The following ERCC6L2 variants were observed in gnomAD, a reference collection of about 807,000 sequenced individuals.
The protein encoded by ERCC6L2 is DNA excision repair protein ERCC-6-like 2.
ERCC6L2 carries 77 observed loss-of-function variants against 132.0 expected under a neutral mutation model. That is an observed-to-expected ratio of 0.58 (90% CI 0.49 to 0.71). The LOEUF (loss-of-function observed/expected upper bound fraction) is 0.71, where lower values mean the gene tolerates loss of function less well. ERCC6L2 is among the 30% of genes least tolerant of loss of function. The pLI is 0.00. For missense variants in ERCC6L2, 1,542 were observed against 1,837.6 expected (o/e 0.84, Z 2.94); for synonymous variants, 583 against 632.4 (o/e 0.92, Z 1.17).
chr9:95,964,223 C>A (rs1282418806), intron 13 of ERCC6L2, among the ~76,000 whole-genome samples: 1 of 152,170 alleles, frequency 6.6e-6, no homozygotes, highest in East Asian at 1.9e-4. Context: ...TGTGTGGTCT[C>A]ATGGCTTCCT....
intron 1 of ERCC6L2, among the ~76,000 whole-genome samples, chr9:95,878,759 T>C (rs1006447373): frequency 1.3e-5 from 2 of 151,462 alleles, no homozygotes; most frequent in Non-Finnish European, 2.9e-5. Flanking sequence ...CTGCGGTGTT[T>C]GGTTTTTTGT....
chr9:96,002,327 G>A (rs906931042), intron 17 of ERCC6L2, among the ~76,000 whole-genome samples: 1 of 151,892 alleles, frequency 6.6e-6, no homozygotes, highest in African/African-American at 2.4e-5. Context: ...AGGGTTTTTT[G>A]TTTTGTTTTG....
rs369759210 is a variant in ERCC6L2, at chr9:95,916,448, T to G, written c.1158+14T>G. ...AAGGAAGACCGGGTAAGAACCGCAT[T>G]TGTATATATTATTAATTTGTGGTCA... On this transcript the variant is annotated intron_variant, in intron 6 of 18. Transcript: ENST00000653738. 1 of 1,484,848 alleles carries G rather than the reference T, an allele frequency of 6.7e-7. No homozygotes were observed. The highest frequency in any genetic ancestry group is 1.4e-5 in the African/African-American group (1 of 70,066). The allele number at this position is 1,484,848 out of a possible 1,614,324, so 92.0% of individuals were successfully genotyped here.
intron 11 of ERCC6L2, among the ~76,000 whole-genome samples, chr9:95,929,967 C>T (rs914987762): frequency 8.5e-5 from 13 of 152,182 alleles, no homozygotes; most frequent in African/African-American, 2.4e-4. Context: ...TACCCCTTCA[C>T]CTCTATCTGT....
chr9:96,032,363 C>T (rs956301275), intron 19 of ERCC6L2, among the ~76,000 whole-genome samples: 52 of 152,344 alleles, frequency 3.4e-4, no homozygotes, highest in Admixed American at 3.3e-3. Flanking sequence ...CGCCTTCCTC[C>T]GCATCCTCTT....
chr9:96,038,156 A>G (rs1834540941), intron 19 of ERCC6L2, among the ~76,000 whole-genome samples: 1 of 152,030 alleles, frequency 6.6e-6, no homozygotes, highest in African/African-American at 2.4e-5. Context: ...TGGGCCAATG[A>G]TGGATTATTA....
At chr9:95,911,348 A>G (rs1460913374) in intron 4 of ERCC6L2, among the ~76,000 whole-genome samples, 10 of 152,138 alleles carry the variant, frequency 6.6e-5, no homozygotes, top group Non-Finnish European at 8.8e-5. Context: ...GGTGTAGGAA[A>G]TTTTTATCTT....
chr9:96,021,179 G>C (rs1834281944), downstream of ERCC6L2: 2 of 356,796 alleles, frequency 5.6e-6, no homozygotes, highest in South Asian at 2.1e-5. The surrounding 1 kb of genome is among the most constrained non-coding windows in gnomAD (Gnocchi z 4.7). Context: ...AGGCGGCTTC[G>C]CCTGGTGTCA....
At chr9:95,981,835 A>T (rs539269491) in intron 17 of ERCC6L2, among the ~76,000 whole-genome samples, 1 of 152,318 alleles carries the variant, frequency 6.6e-6, no homozygotes, top group East Asian at 1.9e-4. Context: ...AAAGAAATGT[A>T]CAAAGACAGC....
At chr9:96,011,219 C>T (rs1834016899) in intron 18 of ERCC6L2, among the ~76,000 whole-genome samples, 2 of 152,216 alleles carry the variant, frequency 1.3e-5, no homozygotes, top group Admixed American at 6.5e-5. Flanking sequence ...TGAGGGCCCT[C>T]TTCCTGGCTG....
rs889204449 is a variant in ERCC6L2 at position 95,966,681 on chromosome 9, C to T, written c.2067C>T (p.Ser689=). The change falls in exon 14 of 19, where the codon TCC becomes TCT. Residue 689 remains serine, a synonymous_variant. Coordinates refer to ENST00000653738, the MANE Select transcript of ERCC6L2 (RefSeq NM_020207.7). ...FGIHNLFKFR[S]QGSCLTKDIL... ...TCCATAACCTCTTCAAATTTAGGTCCCAAGGGTCTTGTCTTACGAAGGACA... is the reference window on the plus strand; with the variant it reads ...TCCATAACCTCTTCAAATTTAGGTCTCAAGGGTCTTGTCTTACGAAGGACA... 3.3e-6 allele frequency: 5 copies of T among 1,502,346 alleles called. No homozygotes were observed. The highest frequency in any genetic ancestry group is 2.3e-5 in the East Asian group (1 of 43,080). The allele number at this position is 1,502,346 out of a possible 1,614,324, so 93.1% of individuals were successfully genotyped here.
intron 17 of ERCC6L2, among the ~76,000 whole-genome samples, chr9:95,996,253 G>A (rs1454820803): frequency 1.3e-5 from 2 of 152,218 alleles, no homozygotes; most frequent in African/African-American, 4.8e-5. Flanking sequence ...CTTAAGCCTA[G>A]GCAAGGCTCT....
At chr9:96,030,092 C>T (rs1024147554) in intron 19 of ERCC6L2, among the ~76,000 whole-genome samples, 1 of 152,140 alleles carries the variant, frequency 6.6e-6, no homozygotes, top group African/African-American at 2.4e-5. Flanking sequence ...TGTAAAATGC[C>T]CCAGTCAGCA....
rs746586872 is a variant in ERCC6L2 at position 96,013,038 on chromosome 9, G to A, written c.4488G>A (p.Leu1496=). The change falls in exon 19 of 19, where the codon TTG becomes TTA. Residue 1496 remains leucine (L), a synonymous_variant. Coordinates refer to ENST00000653738, the MANE Select transcript of ERCC6L2 (RefSeq NM_020207.7). ...AGAGTCTTAGTAAACTCACAGACTT[G>A]GCAGTAATAGAGACTCTGTGTGAAA... ...NDESLSKLTD[L]AVIETLCEKA... is the part of the protein sequence containing the mutation. The A allele has an allele frequency of 2.1e-5, 29 of 1,367,554 alleles. No homozygotes were observed. The African/African-American group carries it at 4.1e-4, about 19-fold the overall frequency. 84.7% of individuals were successfully genotyped at this position (1,367,554 alleles called of 1,614,324 possible).
chr9:96,017,161 A>G lies in ERCC6L2; in HGVS notation c.*3958A>G, dbSNP rs1834199009. On this transcript the variant is annotated 3_prime_UTR_variant, in exon 19 of 19. Transcript: ENST00000653738. ...AGAGATTGCAAAGCATCCTCTGCCC[A>G]GTGCTTCTAGGAGGCCTTACTGGGA... 6.6e-6 allele frequency among the ~76,000 whole-genome samples: 1 copy of G among 152,028 alleles called. No individual in the cohort carries two copies. Among genetic ancestry groups the G allele is most frequent in the Non-Finnish European group, 1.5e-5 (1 of 67,984 alleles).
At chr9:96,022,080 C>G (rs1834301957), downstream of ERCC6L2, among the ~76,000 whole-genome samples, 1 of 152,368 alleles carries the variant, frequency 6.6e-6, no homozygotes, top group Non-Finnish European at 1.5e-5. Context: ...GGCCAAGTGG[C>G]CGCTCTCAAC....
At chr9:95,898,027 A>G (rs1828560032) in intron 3 of ERCC6L2, 56 bp downstream of exon 3, 4 of 1,447,306 alleles carry the variant, frequency 2.8e-6, no homozygotes, top group Admixed American at 2.3e-5. Flanking sequence ...ACAAAAGCAT[A>G]TAGAAATATT....
intron 17 of ERCC6L2, among the ~76,000 whole-genome samples, chr9:95,999,033 A>G (rs1166439459): frequency 6.6e-6 from 1 of 152,230 alleles, no homozygotes; most frequent in Non-Finnish European, 1.5e-5. Context: ...ATTTTTAAAA[A>G]TAAAAGATAG....
chr9:95,970,541 A>G, intron 14 of ERCC6L2, 35 bp from the exon 15 acceptor site: 1 of 1,258,724 alleles, frequency 7.9e-7, no homozygotes, highest in Non-Finnish European at 1.1e-6. Flanking sequence ...CCTGTGTTGC[A>G]TAGCTATTTG....
Sources: allele counts gnomAD v4.1 joint callset (sites outside exome capture counted in the v4.1 genomes callset), GRCh38; gene constraint gnomAD v4.1.1; non-coding constraint Gnocchi (gnomAD v3.1); transcripts MANE v1.5; gene names NCBI Gene and HGNC (gene_info 2026-07-23, HGNC 2026-07-21).